Variants in PCP4 observed in about 807,000 individuals in gnomAD.
The protein encoded by PCP4 is calmodulin regulator protein PCP4.
PCP4 carries 8 observed loss-of-function variants against 10.0 expected under a neutral mutation model. That is an observed-to-expected ratio of 0.80 (90% confidence interval 0.47 to 1.45). PCP4 has a LOEUF of 1.45. Ranked by LOEUF, PCP4 falls within the 40% of genes most tolerant of loss-of-function variation. The pLI is 0.00. For missense variants in PCP4, 54 were observed against 74.4 expected, an observed-to-expected ratio of 0.73 and a Z score of 1.01; for synonymous variants, 21 against 23.0, an observed-to-expected ratio of 0.91 and a Z score of 0.24.
intron 1 of PCP4, among the ~76,000 whole-genome samples, chr21:39,885,707 CT>C (rs1227462499): frequency 6.6e-6 from 1 of 152,234 alleles, no homozygotes; most frequent in Non-Finnish European, 1.5e-5. Context: ...CACCCTCTCC[CT>C]CCCCTGGGAC....
At chr21:39,907,943 T>C (rs915682894) in intron 2 of PCP4, among the ~76,000 whole-genome samples, 2 of 152,204 alleles carry the variant, frequency 1.3e-5, no homozygotes, top group African/African-American at 4.8e-5. Flanking sequence ...CAAGTGCCTT[T>C]TTCCAGTTGT....
intron 1 of PCP4, among the ~76,000 whole-genome samples, chr21:39,897,850 T>G (rs2087464313): frequency 6.6e-6 from 1 of 151,866 alleles, no homozygotes; most frequent in South Asian, 2.1e-4. Context: ...ATCGAGACCA[T>G]CCTGACTAAC....
At chr21:39,880,188 C>CTATATCTATA (rs1325255846) in intron 1 of PCP4, among the ~76,000 whole-genome samples, 1 of 122,610 alleles carries the variant, frequency 8.2e-6, no homozygotes, top group Non-Finnish European at 1.7e-5. Context: ...ATATCTATAT[C>CTATATCTATA]TATCTATATC....
chr21:39,907,259 T>C (rs1197560970), intron 2 of PCP4, among the ~76,000 whole-genome samples: 1 of 152,120 alleles, frequency 6.6e-6, no homozygotes, highest in East Asian at 1.9e-4. Flanking sequence ...CTTGCAGCCC[T>C]GGGCGTGTCT....
chr21:39,914,043 T>TA (rs2087555489), intron 2 of PCP4, among the ~76,000 whole-genome samples: 1 of 152,302 alleles, frequency 6.6e-6, no homozygotes, highest in African/African-American at 2.4e-5. Context: ...GAAAGGCATT[T>TA]AAATCAGACA....
intron 1 of PCP4, among the ~76,000 whole-genome samples, chr21:39,871,195 C>A (rs147735067): frequency 6.4e-4 from 97 of 152,296 alleles, no homozygotes; most frequent in African/African-American, 2.2e-3. Context: ...AATGTTTTGC[C>A]ACTGATTTTA....
intron 2 of PCP4, among the ~76,000 whole-genome samples, chr21:39,902,857 A>AACTT (rs1400458030): frequency 6.6e-6 from 1 of 152,244 alleles, no homozygotes; most frequent in Non-Finnish European, 1.5e-5. Flanking sequence ...TTCTGGAAAT[A>AACTT]ACTTTCTACT....
intron 1 of PCP4, among the ~76,000 whole-genome samples, chr21:39,896,492 A>G (rs2087457506): frequency 6.6e-6 from 1 of 152,222 alleles, no homozygotes; most frequent in South Asian, 2.1e-4. Context: ...ACAGACAAAA[A>G]GAAGCAGGCA....
intron 2 of PCP4, among the ~76,000 whole-genome samples, chr21:39,921,485 G>A (rs912358508): frequency 2.0e-5 from 3 of 152,166 alleles, no homozygotes; most frequent in African/African-American, 7.2e-5. Flanking sequence ...TTGTAAAATA[G>A]GGAATCTTAA....
intron 1 of PCP4, among the ~76,000 whole-genome samples, chr21:39,878,541 G>C (rs984073292): frequency 3.9e-5 from 6 of 152,176 alleles, no homozygotes; most frequent in African/African-American, 1.2e-4. Context: ...GGGACTTGTT[G>C]CATCTTTCTT....
Position 39,906,479 on chromosome 21 carries a change from T to C in PCP4, c.61+7952T>C, listed in dbSNP as rs1311672552. 2.0e-5 allele frequency among the ~76,000 whole-genome samples: 3 copies of C among 152,082 alleles called. No individual in the cohort carries two copies. The highest frequency in any genetic ancestry group is 7.2e-5 in the African/African-American group (3 of 41,398). ...AAAATTAAAACATCAAAGCAACATG[T>C]TCATTTATAGCCTCTTCATATTTCA... On this transcript the variant is annotated intron_variant, in intron 2 of 2. Coordinates refer to ENST00000328619, the MANE Select transcript of PCP4 (RefSeq NM_006198.3). This position sits in a 1 kb window ranked among gnomAD's most constrained non-coding sequence, Gnocchi z 6.3.
At chr21:39,890,369 T>G (rs12106374) in intron 1 of PCP4, among the ~76,000 whole-genome samples, 9,036 of 152,212 alleles carry the variant, frequency 0.059, 344 homozygotes, top group East Asian at 0.087. Context: ...TTTATTTATT[T>G]ATTTTGAGAC....
At chr21:39,903,067 C>T (rs374910300) in intron 2 of PCP4, among the ~76,000 whole-genome samples, 1 of 152,174 alleles carries the variant, frequency 6.6e-6, no homozygotes, top group Non-Finnish European at 1.5e-5. Flanking sequence ...TACCTTGATA[C>T]TGGTTGTCCG....
chr21:39,895,596 G>A (rs73354120), intron 1 of PCP4, among the ~76,000 whole-genome samples: 5,569 of 152,290 alleles, frequency 0.037, 371 homozygotes, highest in African/African-American at 0.13. Context: ...TCCCCACTTC[G>A]TGGGCTTGAG....
intron 2 of PCP4, among the ~76,000 whole-genome samples, chr21:39,920,943 T>G (rs775626803): frequency 3.3e-5 from 5 of 152,236 alleles, no homozygotes; most frequent in Admixed American, 6.5e-5. Context: ...CTGACAATCT[T>G]ACCTCACACT....
intron 2 of PCP4, among the ~76,000 whole-genome samples, chr21:39,899,918 TC>T (rs1408477625): frequency 1.3e-5 from 2 of 152,192 alleles, no homozygotes; most frequent in African/African-American, 4.8e-5. Context: ...CCACTGATTT[TC>T]CCAGTTCATA....
intron 1 of PCP4, among the ~76,000 whole-genome samples, chr21:39,886,287 G>A (rs1000593874): frequency 6.6e-6 from 1 of 151,996 alleles, no homozygotes; most frequent in Non-Finnish European, 1.5e-5. Context: ...TAATTTTCAG[G>A]AAACTGACAG....
At chr21:39,925,449 C>T (rs1337320055) in intron 2 of PCP4, among the ~76,000 whole-genome samples, 1 of 152,208 alleles carries the variant, frequency 6.6e-6, no homozygotes, top group African/African-American at 2.4e-5. Context: ...TGTGTGTGTG[C>T]GCTGGATCCT....
At chr21:39,881,347 C>CTACA (rs2146328497) in intron 1 of PCP4, among the ~76,000 whole-genome samples, 1 of 152,290 alleles carries the variant, frequency 6.6e-6, no homozygotes, top group Non-Finnish European at 1.5e-5. Flanking sequence ...GCCAAATAAA[C>CTACA]TACACACCTG....
Sources: gnomAD v4.1 joint callset for allele counts (sites outside exome capture counted in the v4.1 genomes callset) on GRCh38, gnomAD v4.1.1 for gene constraint, Gnocchi (gnomAD v3.1) non-coding constraint, MANE v1.5 for transcripts, NCBI Gene and HGNC (gene_info 2026-07-23, HGNC 2026-07-21) for gene names.